LUZP2: variants seen among roughly 807,000 people sequenced by gnomAD.
LUZP2 encodes the protein leucine zipper protein 2.
A neutral mutation model predicts 51.6 loss-of-function variants in LUZP2; 52 were observed. The ratio of observed to expected loss-of-function variants is 1.01; its 90% confidence interval spans 0.81 to 1.27. LUZP2 has a LOEUF of 1.27. Among genes scored for constraint, LUZP2 ranks in the 50% most tolerant of loss-of-function variants. LUZP2 has a pLI of 0.00. For synonymous variants in LUZP2, 154 were observed against 137.3 expected, an observed-to-expected ratio of 1.12 and a Z score of -0.85; for missense variants, 436 against 395.4, an observed-to-expected ratio of 1.10 and a Z score of -0.87.
At chr11:24,631,769 CT>C (rs1452454243) in intron 1 of LUZP2, among the ~76,000 whole-genome samples, 1 of 97,408 alleles carries the variant, frequency 1.0e-5, no homozygotes. Context: ...GGAATTAGTT[CT>C]TCTTTGTATG....
At chr11:25,061,219 G>C (rs1313690424) in intron 10 of LUZP2, among the ~76,000 whole-genome samples, 1 of 152,066 alleles carries the variant, frequency 6.6e-6, no homozygotes, top group East Asian at 1.9e-4. Flanking sequence ...TCTGCACTAC[G>C]CTGTGATTGT....
intron 9 of LUZP2, among the ~76,000 whole-genome samples, chr11:25,020,825 A>G (rs111902557): frequency 1.2e-4 from 19 of 152,204 alleles, no homozygotes; most frequent in African/African-American, 4.3e-4. Context: ...GTATTCTGCT[A>G]TGATAGATAA....
intron 7 of LUZP2, among the ~76,000 whole-genome samples, chr11:24,935,426 T>C (rs1276096080): frequency 1.3e-5 from 2 of 152,190 alleles, no homozygotes; most frequent in African/African-American, 4.8e-5. Context: ...AAAATTACTT[T>C]TTCAGTTTGA....
chr11:24,702,402 GA>G (rs1353899546), intron 1 of LUZP2, among the ~76,000 whole-genome samples: 1 of 152,060 alleles, frequency 6.6e-6, no homozygotes, highest in Non-Finnish European at 1.5e-5. Flanking sequence ...GAAAAGAAAA[GA>G]AAAAAGAAAA....
chr11:24,754,198 T>C (rs1187647254), intron 4 of LUZP2, among the ~76,000 whole-genome samples: 1 of 152,206 alleles, frequency 6.6e-6, no homozygotes, highest in Non-Finnish European at 1.5e-5. Flanking sequence ...GGTTTCACTA[T>C]GTTGCCCAGA....
intron 1 of LUZP2, among the ~76,000 whole-genome samples, chr11:24,707,620 C>A (rs1172933159): frequency 6.6e-6 from 1 of 151,908 alleles, no homozygotes; most frequent in Non-Finnish European, 1.5e-5. Flanking sequence ...GGCAAGACAA[C>A]CAGAAGTACC....
At chr11:25,044,922 A>C (rs1190017063) in intron 9 of LUZP2, among the ~76,000 whole-genome samples, 4 of 151,818 alleles carry the variant, frequency 2.6e-5, no homozygotes, top group African/African-American at 9.7e-5. Flanking sequence ...AAATGGATGA[A>C]ACTGGAAACC....
intron 5 of LUZP2, among the ~76,000 whole-genome samples, chr11:24,781,837 C>T (rs990214369): frequency 3.3e-5 from 5 of 151,860 alleles, no homozygotes; most frequent in African/African-American, 7.3e-5. Flanking sequence ...AGATGTCCTC[C>T]CCCATGATTT....
rs147704316 is a variant in LUZP2, at chr11:25,024,443, G to A, written c.766-25595G>A. Among the ~76,000 whole-genome samples the A allele has an allele frequency of 1.6e-3, 250 of 152,264 alleles. 5 individuals are homozygous for A. The East Asian group carries it at 0.038, about 23-fold the overall frequency. On this transcript the variant is annotated intron_variant, in intron 9 of 11. Coordinates refer to ENST00000336930, the MANE Select transcript of LUZP2 (RefSeq NM_001009909.4). ...CCCCTGAAGCTGATAAGCAACTTCA[G>A]CAAAGTCTCAGGATACAAAATCAAT...
intron 10 of LUZP2, among the ~76,000 whole-genome samples, chr11:25,063,158 T>C (rs1002615611): frequency 2.0e-5 from 3 of 151,776 alleles, no homozygotes; most frequent in African/African-American, 7.2e-5. Context: ...AAATAAAATA[T>C]AGTGTAACAA....
intron 1 of LUZP2, among the ~76,000 whole-genome samples, chr11:24,543,036 A>G (rs1205513877): frequency 6.6e-6 from 1 of 152,120 alleles, no homozygotes; most frequent in East Asian, 1.9e-4. Flanking sequence ...AGGAATCTTT[A>G]TTACCGGTGT....
At chr11:24,572,689 C>A (rs535691298) in intron 1 of LUZP2, among the ~76,000 whole-genome samples, 2 of 151,976 alleles carry the variant, frequency 1.3e-5, no homozygotes, top group African/African-American at 4.8e-5. Context: ...TGTCTCTCTG[C>A]ATCAGGGATT....
chr11:24,497,844 A>G (rs1188775920), intron 1 of LUZP2, among the ~76,000 whole-genome samples: 1 of 152,188 alleles, frequency 6.6e-6, no homozygotes. Flanking sequence ...AAGCTTAGTG[A>G]TAGGCGTTTT....
intron 1 of LUZP2, among the ~76,000 whole-genome samples, chr11:24,728,118 G>A (rs1201687596): frequency 6.6e-6 from 1 of 152,006 alleles, no homozygotes; most frequent in East Asian, 1.9e-4. Context: ...CTAAAGCTGA[G>A]AGAATTTGAG....
intron 1 of LUZP2, among the ~76,000 whole-genome samples, chr11:24,531,410 T>C (rs1850994559): frequency 6.6e-6 from 1 of 150,942 alleles, no homozygotes; most frequent in African/African-American, 2.4e-5. Context: ...ATATATCATC[T>C]CATTTATCAT....
At chr11:24,802,749 G>C (rs1849730729) in intron 5 of LUZP2, among the ~76,000 whole-genome samples, 1 of 151,924 alleles carries the variant, frequency 6.6e-6, no homozygotes, top group Non-Finnish European at 1.5e-5. Flanking sequence ...TTGAATGTGT[G>C]AGTCTCTGTA....
intron 5 of LUZP2, among the ~76,000 whole-genome samples, chr11:24,849,473 G>A (rs909924081): frequency 2.0e-5 from 3 of 152,116 alleles, no homozygotes; most frequent in Non-Finnish European, 2.9e-5. Flanking sequence ...TTGTTTGTAT[G>A]GCTGCATAGT....
chr11:24,630,450 T>C (rs888618168), intron 1 of LUZP2, among the ~76,000 whole-genome samples: 2 of 152,092 alleles, frequency 1.3e-5, no homozygotes, highest in African/African-American at 4.8e-5. Flanking sequence ...AAGGGTGTCT[T>C]TTCTACAATG....
intron 5 of LUZP2, among the ~76,000 whole-genome samples, chr11:24,765,300 T>C (rs1242893350): frequency 6.6e-6 from 1 of 152,160 alleles, no homozygotes; most frequent in Non-Finnish European, 1.5e-5. Context: ...GGTAAATTGA[T>C]TAAACAAAAT....
Sources: gnomAD v4.1 joint callset for allele counts (sites outside exome capture counted in the v4.1 genomes callset) on GRCh38, gnomAD v4.1.1 for gene constraint, MANE v1.5 for transcripts, NCBI Gene and HGNC (gene_info 2026-07-23, HGNC 2026-07-21) for gene names.